The following CHD9 variants were observed in gnomAD, a reference collection of about 807,000 sequenced individuals.
The protein encoded by CHD9 is ATP-dependent chromatin remodeler CHD9.
In CHD9, 77 loss-of-function variants were observed where a neutral mutation model predicts 316.1. The ratio of observed to expected loss-of-function variants is 0.24; its 90% confidence interval spans 0.20 to 0.29. The LOEUF (loss-of-function observed/expected upper bound fraction) is 0.29, where lower values mean the gene tolerates loss of function less well. Ranked by LOEUF, CHD9 falls within the 10% of genes least tolerant of loss-of-function variation. CHD9 has a pLI of 1.00. For missense variants in CHD9, 2,763 were observed against 3,438.1 expected (o/e 0.80, Z 4.91); for synonymous variants, 1,129 against 1,158.3 (o/e 0.97, Z 0.51).
chr16:53,196,322 C>G (rs2044919684), intron 2 of CHD9, among the ~76,000 whole-genome samples: 1 of 152,150 alleles, frequency 6.6e-6, no homozygotes, highest in South Asian at 2.1e-4. Flanking sequence ...CCAAACCTAC[C>G]TCTCTCCTAC....
chr16:53,128,636 T>C (rs760551553), intron 1 of CHD9, among the ~76,000 whole-genome samples: 2 of 152,198 alleles, frequency 1.3e-5, no homozygotes, highest in Non-Finnish European at 2.9e-5. Context: ...CTAACTTCAA[T>C]TGCAAAATGT....
intron 1 of CHD9, among the ~76,000 whole-genome samples, chr16:53,124,960 C>T (rs969253723): frequency 6.6e-6 from 1 of 152,142 alleles, no homozygotes; most frequent in Non-Finnish European, 1.5e-5. Context: ...TTGTAGCCAT[C>T]CTGATGAGAG....
Position 53,254,591 on chromosome 16 carries a change from A to C in CHD9, c.4015A>C (p.Ser1339Arg). The C allele has an allele frequency of 6.2e-7, 1 of 1,603,760 alleles. No individual in the cohort carries two copies. The highest frequency in any genetic ancestry group is 8.5e-7 in the Non-Finnish European group (1 of 1,174,410). The change falls in exon 18 of 39, where the codon AGT becomes CGT. Residue 1339 changes from serine to arginine, a missense_variant. This residue lies in a region of CHD9 where 199 missense variants were observed against 251.7 expected (regional missense o/e 0.79). Transcript: ENST00000447540. ...AVLQSMSGRE[S>R]NVGGIQQLSK... ...GTTACAGAGCATGAGTGGAAGAGAA[A>C]GTAATGTTGGTGGTGTATGTATAGT...
chr16:53,246,505 T>TTTG (rs151082897), intron 15 of CHD9, among the ~76,000 whole-genome samples: 36,143 of 151,770 alleles, frequency 0.24, 4,635 homozygotes, highest in Middle Eastern at 0.31. Flanking sequence ...TCTGTGTTTT[T>TTTG]TTGTTGTTGT....
At chr16:53,112,211 T>C (rs568706936) in intron 1 of CHD9, among the ~76,000 whole-genome samples, 11 of 152,348 alleles carry the variant, frequency 7.2e-5, no homozygotes, top group African/African-American at 2.6e-4. Flanking sequence ...GAAGATTCCT[T>C]GAATGGTAGC....
At chr16:53,088,694 G>A (rs186024684) in intron 1 of CHD9, among the ~76,000 whole-genome samples, 196 of 152,262 alleles carry the variant, frequency 1.3e-3, no homozygotes, top group African/African-American at 4.5e-3. Flanking sequence ...CCAAATGAAG[G>A]TGAGGCCAGG....
intron 1 of CHD9, among the ~76,000 whole-genome samples, chr16:53,060,920 CT>C (rs549828992): frequency 0.044 from 4,353 of 99,446 alleles, 46 homozygotes; most frequent in African/African-American, 0.065. Flanking sequence ...GATGTTGTCT[CT>C]TTTTTTTTTT....
intron 1 of CHD9, among the ~76,000 whole-genome samples, chr16:53,144,531 AT>A (rs879522585): frequency 0.022 from 3,123 of 144,208 alleles, 31 homozygotes; most frequent in Middle Eastern, 0.057. Context: ...CTGTCTACAA[AT>A]TTTTTTTTTT....
chr16:53,271,255 T>C (rs2052227122), intron 22 of CHD9, among the ~76,000 whole-genome samples: 1 of 151,916 alleles, frequency 6.6e-6, no homozygotes, highest in African/African-American at 2.4e-5. Flanking sequence ...CAGGAAAGTC[T>C]CTAACATGAA....
chr16:53,268,273 A>T, intron 22 of CHD9, 147 bp downstream of exon 22: 1 of 627,176 alleles, frequency 1.6e-6, no homozygotes, highest in South Asian at 2.4e-5. Context: ...AGCTTCAGAA[A>T]ATGCCAGTGT....
chr16:53,243,885 A>G (rs2049321469), intron 13 of CHD9, among the ~76,000 whole-genome samples: 2 of 152,160 alleles, frequency 1.3e-5, no homozygotes, highest in African/African-American at 2.4e-5. Context: ...AAATAATTCA[A>G]ATACAAAGAA....
intron 34 of CHD9, chr16:53,311,950 T>A (rs1180420444): frequency 6.6e-6 from 1 of 152,228 alleles, no homozygotes; most frequent in African/African-American, 2.4e-5. Flanking sequence ...TTTAAAATAG[T>A]GTTAATTACA....
At chr16:53,279,368 G>C (rs1414766968) in intron 24 of CHD9, among the ~76,000 whole-genome samples, 1 of 152,088 alleles carries the variant, frequency 6.6e-6, no homozygotes, top group East Asian at 1.9e-4. Flanking sequence ...CGTGGGGTGG[G>C]GGGTAAGGGG....
In CHD9 at chr16:53,304,328, A is replaced by G. The variant is rs1293692959; in HGVS notation, c.6322A>G (p.Arg2108Gly). 1 of 1,612,748 alleles carries G rather than the reference A, an allele frequency of 6.2e-7. No individual in the cohort carries two copies. The highest frequency in any genetic ancestry group is 8.5e-7 in the Non-Finnish European group (1 of 1,179,820). Reference sequence around the variant, plus strand: ...AACAGACAGACGCATGGTTGCAGCCAGAACAGAACCCCTAACTCCAAACCC... The same window carrying G: ...AACAGACAGACGCATGGTTGCAGCCGGAACAGAACCCCTAACTCCAAACCC... ...CETDRRMVAA[R>G]TEPLTPNPAS... Residue 2108 changes from arginine (R) to glycine (G), a missense_variant, in exon 31 of 39, where the codon AGA becomes GGA. By Grantham distance (125) the Arg-to-Gly change is moderately radical. Transcript: ENST00000447540.
chr16:53,307,644 T>A, intron 32 of CHD9, 37 bp from the exon 33 acceptor site: 2 of 1,539,344 alleles, frequency 1.3e-6, no homozygotes, highest in African/African-American at 2.7e-5. Flanking sequence ...CTGATCTAAT[T>A]ATTAAAATTA....
chr16:53,156,521 A>G lies in CHD9; in HGVS notation c.432A>G (p.Gln144=). Residue 144 remains glutamine (Q), a synonymous_variant, in exon 2 of 39, where the codon CAA becomes CAG. Transcript: ENST00000447540. ...SNQNGSPFHQ[Q]GHSHSMHQNK... ...AAAATGGATCTCCTTTTCACCAACAAGGACATTCACACTCTATGCATCAAA... is the reference window on the plus strand; with the variant it reads ...AAAATGGATCTCCTTTTCACCAACAGGGACATTCACACTCTATGCATCAAA... 1 of 1,614,014 alleles carries G rather than the reference A, an allele frequency of 6.2e-7. No homozygotes were observed. The highest frequency in any genetic ancestry group is 8.5e-7 in the Non-Finnish European group (1 of 1,179,890).
At chr16:53,271,357 T>C (rs1385103321) in intron 22 of CHD9, among the ~76,000 whole-genome samples, 1 of 151,958 alleles carries the variant, frequency 6.6e-6, no homozygotes, top group Non-Finnish European at 1.5e-5. Context: ...TCACTTGAGG[T>C]CAAGAGTTCA....
intron 24 of CHD9, among the ~76,000 whole-genome samples, chr16:53,277,471 C>T (rs1385677848): frequency 2.0e-5 from 3 of 152,052 alleles, no homozygotes; most frequent in African/African-American, 7.2e-5. Flanking sequence ...ATGTGATAAA[C>T]CACATAAACA....
At position 53,274,408 on chromosome 16, in the gene CHD9, C is replaced by T. The variant is rs201510467; in HGVS notation, c.4967+106C>T. On this transcript the variant is annotated intron_variant, in intron 24 of 38. Transcript: ENST00000447540. ...TCCCACCTCTGCCTCCTGAGAGGCT[C>T]GCACTGTAGGCACACCACCACACCT... is the stretch of plus-strand genomic sequence containing the variant. 184 of 576,842 alleles carry T rather than the reference C, an allele frequency of 3.2e-4. 1 individual carries two copies. The East Asian group carries it at 4.9e-3, about 15-fold the overall frequency. 35.7% of individuals were successfully genotyped at this position (576,842 alleles called of 1,614,324 possible).
Sources: allele counts gnomAD v4.1 joint callset (sites outside exome capture counted in the v4.1 genomes callset), GRCh38; gene constraint gnomAD v4.1.1; regional missense constraint gnomAD v4.1.1; transcripts MANE v1.5; gene names NCBI Gene and HGNC (gene_info 2026-07-23, HGNC 2026-07-21).